Variants in ARHGAP6 observed in about 807,000 individuals in gnomAD.
ARHGAP6 encodes the protein rho GTPase-activating protein 6.
A neutral mutation model predicts 55.7 loss-of-function variants in ARHGAP6; 16 were observed. The observed-to-expected ratio is 0.29, with a 90% CI of 0.19 to 0.44. ARHGAP6 has a LOEUF of 0.44. ARHGAP6 is among the 20% of genes least tolerant of loss of function. The pLI is 1.00. For synonymous variants in ARHGAP6, 382 were observed against 360.9 expected (o/e 1.06, Z -0.66); for missense variants, 698 against 808.9 (o/e 0.86, Z 1.66).
intron 1 of ARHGAP6, among the ~76,000 whole-genome samples, chrX:11,467,609 C>T (rs763524612): frequency 9.0e-6 from 1 of 111,723 alleles, no homozygotes; most frequent in South Asian, 3.8e-4. Flanking sequence ...GAGGCTGAAA[C>T]TCACAAATAT....
chrX:11,273,322 T>C (rs1266852340), intron 1 of ARHGAP6, among the ~76,000 whole-genome samples: 1 of 110,127 alleles, frequency 9.1e-6, no homozygotes, highest in Non-Finnish European at 1.9e-5. Context: ...TTTTAATGAG[T>C]CATTTTTCTT....
chrX:11,368,189 T>C (rs1338954605), intron 1 of ARHGAP6, among the ~76,000 whole-genome samples: 1 of 112,615 alleles, frequency 8.9e-6, no homozygotes, highest in Non-Finnish European at 1.9e-5. Context: ...AGGATTCTTG[T>C]TGTTTATCTA....
chrX:11,402,989 T>C (rs1344759941), intron 1 of ARHGAP6, among the ~76,000 whole-genome samples: 1 of 112,237 alleles, frequency 8.9e-6, no homozygotes, highest in African/African-American at 3.2e-5. Context: ...CTTCATCTTC[T>C]TCGAAAGGAA....
chrX:11,603,578 G>C (rs2052001810), intron 1 of ARHGAP6, among the ~76,000 whole-genome samples: 1 of 111,566 alleles, frequency 9.0e-6, no homozygotes, highest in African/African-American at 3.3e-5. Context: ...TGTGGTTTCT[G>C]TGACTCTGAT....
At chrX:11,361,454 T>G (rs1258829616) in intron 1 of ARHGAP6, among the ~76,000 whole-genome samples, 10 of 111,360 alleles carry the variant, frequency 9.0e-5, no homozygotes, top group South Asian at 3.8e-4. Flanking sequence ...TAGCCATATG[T>G]AGAAAGCTGA....
intron 1 of ARHGAP6, among the ~76,000 whole-genome samples, chrX:11,258,476 A>G (rs187328436): frequency 2.7e-5 from 3 of 110,673 alleles, no homozygotes; most frequent in African/African-American, 9.9e-5. Flanking sequence ...TGAAAATGGT[A>G]TTTTCTTTTG....
Position 11,201,599 on chromosome X carries a change from G to C in ARHGAP6, c.749-4603C>G, listed in dbSNP as rs577939906. On this transcript the variant is annotated intron_variant, in intron 2 of 12. Coordinates refer to ENST00000337414, the MANE Select transcript of ARHGAP6 (RefSeq NM_013427.3). ...TACCCGGACTCGGTGATTTATAAAA[G>C]AAAGAAGTTCAATTGACTCACAGTT... Among the ~76,000 whole-genome samples, 4 of 111,927 alleles carry C rather than the reference G, an allele frequency of 3.6e-5. No individual in the cohort carries two copies. The South Asian group carries it at 1.1e-3, about 32-fold the overall frequency.
chrX:11,423,584 A>C (rs1236260043), intron 1 of ARHGAP6, among the ~76,000 whole-genome samples: 1 of 112,325 alleles, frequency 8.9e-6, no homozygotes, highest in Non-Finnish European at 1.9e-5. Flanking sequence ...AGTACAAGGA[A>C]GGAGAATGAG....
intron 1 of ARHGAP6, among the ~76,000 whole-genome samples, chrX:11,577,382 A>G (rs1334762418): frequency 8.9e-6 from 1 of 112,069 alleles, no homozygotes; most frequent in Non-Finnish European, 1.9e-5. Context: ...GACAGAGTGG[A>G]TATGCTTCAG....
intron 1 of ARHGAP6, among the ~76,000 whole-genome samples, chrX:11,608,408 C>T (rs890733474): frequency 9.0e-6 from 1 of 111,488 alleles, no homozygotes; most frequent in African/African-American, 3.3e-5. Flanking sequence ...CTCTGACAAC[C>T]GAAAAATCTG....
At chrX:11,193,943 C>A (rs1327403568) in intron 3 of ARHGAP6, among the ~76,000 whole-genome samples, 1 of 112,729 alleles carries the variant, frequency 8.9e-6, no homozygotes, top group Non-Finnish European at 1.9e-5. Flanking sequence ...TCTGCTTAGT[C>A]TAGCCAAATG....
At chrX:11,291,240 A>G (rs1309017019) in intron 1 of ARHGAP6, among the ~76,000 whole-genome samples, 2 of 112,065 alleles carry the variant, frequency 1.8e-5, no homozygotes, top group Non-Finnish European at 3.8e-5. Context: ...CCATATTTTA[A>G]TGTCCTATGA....
At position 11,182,595 on chromosome X, in the gene ARHGAP6, ATTTTC is replaced by A. The variant is rs946847710; in HGVS notation, c.1274-482_1274-478del. Reference sequence around the variant, plus strand: ...CCTGATGCAGAAATAATCACTCTTCATTTTCTTTTCTTTTCTTTCTTTCTTTTTTT... The same window carrying A: ...CCTGATGCAGAAATAATCACTCTTCATTTTCTTTTCTTTCTTTCTTTTTTT... On this transcript the variant is annotated intron_variant, in intron 5 of 12. Transcript: ENST00000337414. Among the ~76,000 whole-genome samples the A allele has an allele frequency of 7.4e-4, 65 of 87,417 alleles. 1 individual carries two copies. The Middle Eastern group carries it at 0.028, about 38-fold the overall frequency. The allele number at this position is 87,417 out of a possible 115,157, so 75.9% of individuals were successfully genotyped here. A position where few individuals can be genotyped will look rare whatever the true frequency, so the allele number is the denominator to read the frequency against.
intron 1 of ARHGAP6, among the ~76,000 whole-genome samples, chrX:11,574,084 C>T (rs1464916327): frequency 1.8e-5 from 2 of 110,866 alleles, no homozygotes; most frequent in Non-Finnish European, 3.8e-5. Flanking sequence ...CAATAATCAA[C>T]AGCTTACCAA....
chrX:11,411,186 TATATATATATATA>T (rs2049678088), intron 1 of ARHGAP6, among the ~76,000 whole-genome samples: 2 of 46,041 alleles, frequency 4.3e-5, no homozygotes, highest in Admixed American at 4.6e-4. Flanking sequence ...ACATTATTTA[TATATATATATATA>T]TATATATATA....
chrX:11,358,133 T>C (rs1426414896), intron 1 of ARHGAP6, among the ~76,000 whole-genome samples: 1 of 112,360 alleles, frequency 8.9e-6, no homozygotes, highest in Non-Finnish European at 1.9e-5. Flanking sequence ...TATCCAGTCA[T>C]ACAATATGTA....
At chrX:11,468,369 T>G (rs1217126465) in intron 1 of ARHGAP6, among the ~76,000 whole-genome samples, 1 of 112,210 alleles carries the variant, frequency 8.9e-6, no homozygotes, top group East Asian at 2.8e-4. Context: ...TGAATGCAGC[T>G]CAGCCCCTGC....
At chrX:11,557,102 G>A (rs536598796) in intron 1 of ARHGAP6, among the ~76,000 whole-genome samples, 36 of 112,487 alleles carry the variant, frequency 3.2e-4, no homozygotes, top group African/African-American at 1.1e-3. Context: ...AGGAAGAAGA[G>A]GAGAGGAAGA....
At chrX:11,281,078 A>T (rs1213256476) in intron 1 of ARHGAP6, among the ~76,000 whole-genome samples, 4 of 112,239 alleles carry the variant, frequency 3.6e-5, no homozygotes, top group Non-Finnish European at 7.5e-5. Flanking sequence ...ACTATGCAGT[A>T]ATGGGAATGA....
Sources: allele counts gnomAD v4.1 joint callset (sites outside exome capture counted in the v4.1 genomes callset), GRCh38; gene constraint gnomAD v4.1.1; transcripts MANE v1.5; gene names NCBI Gene and HGNC (gene_info 2026-07-23, HGNC 2026-07-21).